CAPN14: variants seen among roughly 807,000 people sequenced by gnomAD.
CAPN14 encodes calpain 14.
In CAPN14, 94 loss-of-function variants were observed where a neutral mutation model predicts 101.3. The ratio of observed to expected loss-of-function variants is 0.93; its 90% CI spans 0.79 to 1.10. The LOEUF (loss-of-function observed/expected upper bound fraction) is 1.10. CAPN14 is among the 50% of genes least tolerant of loss of function. The pLI, the probability that CAPN14 is intolerant of heterozygous loss-of-function variation, is 0.00. For missense variants in CAPN14, 837 were observed against 828.4 expected (o/e 1.01, Z -0.13); for synonymous variants, 338 against 317.9 (o/e 1.06, Z -0.67).
In CAPN14 at chr2:31,191,962, G is replaced by A. The variant is rs768848872; in HGVS notation, c.1251C>T (p.Leu417=). ...PRHRCRKRKP[L]LAIGFYLYRM... is the part of the protein sequence containing the mutation. ...TATACAGGTAGAAGCCAATGGCGAG[G>A]AGAGGCTTCCGCTTGCGGCACCTGT... The change falls in exon 11 of 22, where the codon CTC becomes CTT. Residue 417 remains leucine, a synonymous_variant. Transcript: ENST00000403897. The A allele has an allele frequency of 3.2e-6, 5 of 1,551,450 alleles. No individual in the cohort carries two copies. The Admixed American group carries it at 7.8e-5, about 24-fold the overall frequency.
At position 31,181,002 on chromosome 2, in the gene CAPN14, T is replaced by G; in HGVS notation, c.1646-2A>C. 1.9e-6 allele frequency: 3 copies of G among 1,551,546 alleles called. No homozygotes were observed. The highest frequency in any genetic ancestry group is 2.6e-6 in the Non-Finnish European group (3 of 1,146,860). ...AGAAGGGCTGTCTGCTCCCCAGACCTGTGAAGGAGCGAAAGAGTCCACATG... is the reference window on the plus strand; with the variant it reads ...AGAAGGGCTGTCTGCTCCCCAGACCGGTGAAGGAGCGAAAGAGTCCACATG... On this transcript the variant is annotated splice_acceptor_variant, in intron 16 of 21. Transcript: ENST00000403897. LOFTEE classifies it high-confidence loss of function.
intron 16 of CAPN14, among the ~76,000 whole-genome samples, chr2:31,182,031 T>C (rs1680669255): frequency 6.6e-6 from 1 of 152,086 alleles, no homozygotes; most frequent in South Asian, 2.1e-4. Context: ...CCTTTGGGTA[T>C]ATAGCCAGTA....
intron 2 of CAPN14, among the ~76,000 whole-genome samples, chr2:31,225,090 T>C (rs1682980651): frequency 6.6e-6 from 1 of 151,996 alleles, no homozygotes; most frequent in South Asian, 2.1e-4. Context: ...ATGTCCTTAC[T>C]GTAAAAATTA....
rs773338913 is a variant in CAPN14, at chr2:31,205,407, G to T, written c.41C>A (p.Ala14Glu). ...AGACGCCCTCCTAGAGTACCTTGGCGCCAGCTTCCATCTGCATCGGAAAGG... is the reference window on the plus strand; with the variant it reads ...AGACGCCCTCCTAGAGTACCTTGGCTCCAGCTTCCATCTGCATCGGAAAGG... ...WPPFRCRWKL[A>E]PRYSRRASPQ... Residue 14 changes from alanine (A) to glutamate (E), a missense_variant, in exon 2 of 22, where the codon GCG (alanine) becomes GAG (glutamate). Coordinates refer to ENST00000403897, the MANE Select transcript of CAPN14 (RefSeq NM_001145122.2). The T allele has an allele frequency of 1.9e-6, 3 of 1,551,560 alleles. No individual in the cohort carries two copies. In the East Asian group the frequency reaches 7.3e-5, roughly 38 times the overall value.
chr2:31,228,836 A>T (rs189903610), intron 1 of CAPN14, among the ~76,000 whole-genome samples: 1 of 152,276 alleles, frequency 6.6e-6, no homozygotes, highest in African/African-American at 2.4e-5. Context: ...ACTTTCCCCA[A>T]GCTCACACAG....
chr2:31,180,865 A>G, intron 17 of CAPN14, 71 bp downstream of exon 17: 1 of 1,332,644 alleles, frequency 7.5e-7, no homozygotes, highest in Non-Finnish European at 1.1e-6. Context: ...GGATTCAAAT[A>G]TACTCTGCCT....
chr2:31,177,681 C>T, intron 19 of CAPN14, 65 bp downstream of exon 19: 1 of 1,189,160 alleles, frequency 8.4e-7, no homozygotes, highest in Non-Finnish European at 1.2e-6. Context: ...CATCCCCTCT[C>T]CTCTGCCTGA....
Position 31,228,358 on chromosome 2 carries a change from G to T in CAPN14, c.-176-1707C>A, listed in dbSNP as rs12463552. ...AATGCACCCGATCTCATCTGATCTT[G>T]GAAGCTAAGGAGGGTTCGGCCTGAG... On this transcript the variant is annotated intron_variant and NMD_transcript_variant, in intron 1 of 21. Coordinates refer to the CAPN14 transcript ENST00000398824. 5.3e-5 allele frequency: 8 copies of T among 152,144 alleles called. No homozygotes were observed. The East Asian group carries it at 1.6e-3, about 29-fold the overall frequency. The allele number at this position is 152,144 out of a possible 1,614,324, so 9.4% of individuals were successfully genotyped here.
chr2:31,200,068 A>T (rs769202542), intron 6 of CAPN14, among the ~76,000 whole-genome samples: 10 of 150,578 alleles, frequency 6.6e-5, no homozygotes, highest in Non-Finnish European at 1.5e-4. Flanking sequence ...CAAGGGTGAG[A>T]TCTCGGGTTA....
At chr2:31,202,111 T>C in intron 4 of CAPN14, 23 bp downstream of exon 4, 1 of 1,550,566 alleles carries the variant, frequency 6.4e-7, no homozygotes, top group Non-Finnish European at 8.7e-7. Flanking sequence ...CCCTCTGGGC[T>C]GAGGACCCGG....
intron 16 of CAPN14, among the ~76,000 whole-genome samples, chr2:31,183,194 A>T (rs1680737816): frequency 2.0e-5 from 3 of 152,106 alleles, no homozygotes; most frequent in South Asian, 2.1e-4. Context: ...TTCAAGATGG[A>T]TTAAAGACTT....
upstream of CAPN14, among the ~76,000 whole-genome samples, chr2:31,218,416 C>A (rs1682748451): frequency 6.6e-6 from 1 of 152,132 alleles, no homozygotes; most frequent in Non-Finnish European, 1.5e-5. Flanking sequence ...GAGTCCCTTG[C>A]CTGTGGAAAT....
At chr2:31,226,221 C>T (rs1334762301) in intron 2 of CAPN14, among the ~76,000 whole-genome samples, 1 of 152,120 alleles carries the variant, frequency 6.6e-6, no homozygotes, top group African/African-American at 2.4e-5. Flanking sequence ...CTTTAATACC[C>T]CACTTTGTCT....
At chr2:31,206,021 A>ATT (rs200116287) in intron 1 of CAPN14, among the ~76,000 whole-genome samples, 5,519 of 108,614 alleles carry the variant, frequency 0.051, 336 homozygotes, top group Middle Eastern at 0.1. Flanking sequence ...CATTATCTTT[A>ATT]TTTTTTTTAT....
intron 1 of CAPN14, among the ~76,000 whole-genome samples, chr2:31,214,983 C>G (rs55926325): frequency 0.57 from 86,165 of 151,204 alleles, 25,500 homozygotes; most frequent in East Asian, 0.94. Flanking sequence ...GGGGCATCAT[C>G]TCTTCTCTCC....
intron 20 of CAPN14, 109 bp from the exon 21 acceptor site, chr2:31,176,751 G>A: frequency 9.6e-7 from 1 of 1,044,632 alleles, no homozygotes; most frequent in Non-Finnish European, 1.5e-6. Context: ...GAAAACGTGA[G>A]GGAACCCAGT....
intron 1 of CAPN14, among the ~76,000 whole-genome samples, chr2:31,211,896 G>A (rs1474959377): frequency 6.6e-6 from 1 of 152,110 alleles, no homozygotes; most frequent in Non-Finnish European, 1.5e-5. Context: ...GTTACCTGGG[G>A]CTAGGAGAGG....
At chr2:31,216,543 C>T (rs1682651816) in intron 1 of CAPN14, among the ~76,000 whole-genome samples, 1 of 152,140 alleles carries the variant, frequency 6.6e-6, no homozygotes, top group African/African-American at 2.4e-5. Context: ...CACTCTTCAG[C>T]ATGAGGTGCC....
Position 31,187,832 on chromosome 2 carries a change from C to A in CAPN14, c.1531-18G>T. The A allele has an allele frequency of 2.6e-6, 4 of 1,542,166 alleles. No individual in the cohort carries two copies. The highest frequency in any genetic ancestry group is 3.5e-6 in the Non-Finnish European group (4 of 1,138,576). On this transcript the variant is annotated intron_variant, in intron 14 of 21. Transcript: ENST00000403897. The stretch of plus-strand genomic sequence containing the variant: ...TCTATCTCCTATAGGAAGAGACACA[C>A]AGAAAGACACAATTATTCACCTGTA...
Sources: gnomAD v4.1 joint callset for allele counts (sites outside exome capture counted in the v4.1 genomes callset) on GRCh38, gnomAD v4.1.1 for gene constraint, MANE v1.5 for transcripts, NCBI Gene and HGNC (gene_info 2026-07-23, HGNC 2026-07-21) for gene names.